The following SOX6 variants were observed in gnomAD, a reference collection of about 807,000 sequenced individuals.
SOX6 encodes transcription factor SOX-6.
In SOX6, 11 loss-of-function variants were observed where a neutral mutation model predicts 97.8. That is an observed-to-expected ratio of 0.11 (90% CI 0.07 to 0.19). SOX6 has a LOEUF of 0.19. Among genes scored for constraint, SOX6 ranks in the 10% least tolerant of loss-of-function variants. The pLI is 1.00. For synonymous variants in SOX6, 360 were observed against 371.4 expected, an observed-to-expected ratio of 0.97 and a Z score of 0.35; for missense variants, 810 against 1,039.5, an observed-to-expected ratio of 0.78 and a Z score of 3.04.
chr11:16,319,229 G>A (rs1435671909), intron 2 of SOX6, among the ~76,000 whole-genome samples: 1 of 152,106 alleles, frequency 6.6e-6, no homozygotes, highest in Non-Finnish European at 1.5e-5. Flanking sequence ...TGTGTGCTGG[G>A]GTTTGGAGAA....
chr11:16,589,505 C>G (rs1166224534), intron 4 of SOX6, among the ~76,000 whole-genome samples: 1 of 152,040 alleles, frequency 6.6e-6, no homozygotes, highest in East Asian at 1.9e-4. Flanking sequence ...TCCAAAAAAA[C>G]TATAGCTTAA....
chr11:16,402,142 A>G (rs1858576231), intron 1 of SOX6, among the ~76,000 whole-genome samples: 1 of 151,354 alleles, frequency 6.6e-6, no homozygotes, highest in Non-Finnish European at 1.5e-5. Flanking sequence ...CAAAAAAAAC[A>G]CTGTATTCAC....
intron 3 of SOX6, among the ~76,000 whole-genome samples, chr11:16,678,725 G>C (rs905933227): frequency 3.3e-5 from 5 of 152,158 alleles, no homozygotes; most frequent in African/African-American, 1.2e-4. Flanking sequence ...AACTGTACCT[G>C]GAGGAACAAT....
At chr11:16,349,489 G>A (rs569840473) in intron 1 of SOX6, among the ~76,000 whole-genome samples, 15 of 152,006 alleles carry the variant, frequency 9.9e-5, no homozygotes, top group African/African-American at 2.2e-4. Context: ...GGCGGTGCGC[G>A]CCTGTAATCC....
At chr11:16,399,582 C>G (rs1306639704) in intron 1 of SOX6, among the ~76,000 whole-genome samples, 1 of 151,334 alleles carries the variant, frequency 6.6e-6, no homozygotes, top group Non-Finnish European at 1.5e-5. Context: ...ATTTTAAGAA[C>G]ATGACCAATA....
chr11:16,502,214 A>G (rs1359312033), intron 4 of SOX6, among the ~76,000 whole-genome samples: 2 of 152,160 alleles, frequency 1.3e-5, no homozygotes, highest in African/African-American at 4.8e-5. Context: ...CTGCAAGGAC[A>G]AAAAACCAAA....
chr11:16,109,027 G>GA (rs551799525), intron 7 of SOX6, among the ~76,000 whole-genome samples: 3 of 149,394 alleles, frequency 2.0e-5, no homozygotes, highest in Admixed American at 6.7e-5. Flanking sequence ...AGTGGAAAGG[G>GA]AAAAAAAAAG....
chr11:16,551,174 C>T (rs1847681974), intron 4 of SOX6, among the ~76,000 whole-genome samples: 1 of 151,892 alleles, frequency 6.6e-6, no homozygotes, highest in Non-Finnish European at 1.5e-5. Context: ...AGTGAGACAC[C>T]ATCTTTAAAA....
intron 4 of SOX6, among the ~76,000 whole-genome samples, chr11:16,557,709 C>A (rs1002798733): frequency 9.2e-5 from 14 of 151,750 alleles, no homozygotes; most frequent in South Asian, 4.1e-4. Context: ...CATTGTTATT[C>A]TTTATTATTA....
chr11:16,577,675 T>A (rs1441929595), intron 4 of SOX6, among the ~76,000 whole-genome samples: 1 of 152,210 alleles, frequency 6.6e-6, no homozygotes, highest in East Asian at 1.9e-4. Flanking sequence ...ATTTCCTTAA[T>A]GTCTAATGAT....
At chr11:16,079,479 C>T (rs986000843) in intron 9 of SOX6, among the ~76,000 whole-genome samples, 4 of 152,012 alleles carry the variant, frequency 2.6e-5, no homozygotes, top group African/African-American at 9.7e-5. Context: ...TTTAATTTCT[C>T]AGCAGACTTT....
intron 4 of SOX6, among the ~76,000 whole-genome samples, chr11:16,481,698 A>G (rs1340547721): frequency 5.9e-5 from 9 of 152,156 alleles, no homozygotes; most frequent in Non-Finnish European, 1.2e-4. Context: ...GCATGGTTGC[A>G]TGTTCAATGA....
rs548628018 is a variant in SOX6 at position 16,673,915 on chromosome 11, C to A, written n.429+40915G>T. On this transcript the variant is annotated intron_variant and non_coding_transcript_variant, in intron 3 of 5. Transcript: ENST00000524520. ...TTAAAAATATCATTCATCGGCTGGGCGTGGTGGCTCATGCCTGTAATCCCA... is the reference window on the plus strand; with the variant it reads ...TTAAAAATATCATTCATCGGCTGGGAGTGGTGGCTCATGCCTGTAATCCCA... 2.0e-5 allele frequency among the ~76,000 whole-genome samples: 3 copies of A among 152,192 alleles called. No individual in the cohort carries two copies. In the South Asian group the frequency reaches 6.2e-4, roughly 32 times the overall value.
intron 9 of SOX6, 99 bp downstream of exon 9, chr11:16,095,897 T>C: frequency 7.6e-7 from 1 of 1,308,102 alleles, no homozygotes; most frequent in Non-Finnish European, 1.1e-6. Context: ...AGTGTTTAGG[T>C]TGAGTGTTTG....
chr11:16,724,697 T>G (rs561831062), intron 2 of SOX6, among the ~76,000 whole-genome samples: 11 of 152,318 alleles, frequency 7.2e-5, no homozygotes, highest in African/African-American at 2.4e-4. Context: ...ATTAATAAGA[T>G]TTTATCTCTT....
intron 1 of SOX6, among the ~76,000 whole-genome samples, chr11:16,455,002 G>A (rs72873307): frequency 0.084 from 12,777 of 151,798 alleles, 608 homozygotes; most frequent in Non-Finnish European, 0.11. Flanking sequence ...TTTTACTTAC[G>A]GGTCAAAAGG....
intron 4 of SOX6, among the ~76,000 whole-genome samples, chr11:16,588,678 C>T (rs1484370066): frequency 6.6e-6 from 1 of 152,166 alleles, no homozygotes; most frequent in African/African-American, 2.4e-5. Flanking sequence ...ATGACTCAAA[C>T]TGCTTTGCCT....
intron 2 of SOX6, among the ~76,000 whole-genome samples, chr11:16,731,989 A>G (rs1402991781): frequency 6.6e-6 from 1 of 152,240 alleles, no homozygotes; most frequent in Non-Finnish European, 1.5e-5. Context: ...CCCATCCACA[A>G]TTGCTACAAA....
At chr11:16,201,938 A>G (rs1851952816) in intron 4 of SOX6, among the ~76,000 whole-genome samples, 1 of 152,034 alleles carries the variant, frequency 6.6e-6, no homozygotes, top group Non-Finnish European at 1.5e-5. Context: ...CGGCCTGCAA[A>G]GTATTTTTAA....
Sources: allele counts gnomAD v4.1 joint callset (sites outside exome capture counted in the v4.1 genomes callset), GRCh38; gene constraint gnomAD v4.1.1; transcripts MANE v1.5; gene names NCBI Gene and HGNC (gene_info 2026-07-23, HGNC 2026-07-21).